CNTNAP5: variants seen among roughly 807,000 people sequenced by gnomAD.
CNTNAP5 encodes the protein contactin associated protein family member 5, also known as contactin-associated protein-like 5.
In CNTNAP5, 72 loss-of-function variants were observed where a neutral mutation model predicts 150.2. The observed-to-expected ratio is 0.48, with a 90% confidence interval of 0.40 to 0.58. The LOEUF (loss-of-function observed/expected upper bound fraction) is 0.58. Ranked by LOEUF, CNTNAP5 falls within the 20% of genes least tolerant of loss-of-function variation. The pLI is 0.00. For missense variants in CNTNAP5, 1,636 were observed against 1,626.2 expected, an observed-to-expected ratio of 1.01 and a Z score of -0.10; for synonymous variants, 672 against 619.8, an observed-to-expected ratio of 1.08 and a Z score of -1.25.
intron 4 of CNTNAP5, among the ~76,000 whole-genome samples, chr2:124,424,047 A>T (rs1222599433): frequency 6.6e-6 from 1 of 152,142 alleles, no homozygotes; most frequent in African/African-American, 2.4e-5. Flanking sequence ...TGAATTACAA[A>T]CATCATTTTG....
At chr2:124,577,774 C>T (rs557626206) in intron 11 of CNTNAP5, among the ~76,000 whole-genome samples, 1 of 152,094 alleles carries the variant, frequency 6.6e-6, no homozygotes, top group South Asian at 2.1e-4. Context: ...TTGAGCCAAA[C>T]CCTGTGGCAT....
At chr2:124,714,452 G>A (rs1482840) in intron 13 of CNTNAP5, among the ~76,000 whole-genome samples, 24,733 of 151,966 alleles carry the variant, frequency 0.16, 2,287 homozygotes, top group East Asian at 0.24. Context: ...TAGCCCTTCA[G>A]TTTTGAGTAT....
chr2:124,313,784 C>T (rs1420809763), intron 3 of CNTNAP5, among the ~76,000 whole-genome samples: 1 of 152,160 alleles, frequency 6.6e-6, no homozygotes, highest in Non-Finnish European at 1.5e-5. Context: ...AATAAAACCA[C>T]AGGGCAGGCA....
chr2:124,117,828 A>G (rs148662759), intron 1 of CNTNAP5, among the ~76,000 whole-genome samples: 14 of 152,268 alleles, frequency 9.2e-5, no homozygotes, highest in South Asian at 8.3e-4. Context: ...TCACTCTCAG[A>G]GTTTCTGATT....
chr2:124,830,705 A>T (rs2104680647), intron 19 of CNTNAP5, among the ~76,000 whole-genome samples: 1 of 152,142 alleles, frequency 6.6e-6, no homozygotes, highest in South Asian at 2.1e-4. Flanking sequence ...ACTTGAGAAA[A>T]AAATTGTTTT....
At chr2:124,452,776 A>G (rs551612563) in intron 6 of CNTNAP5, among the ~76,000 whole-genome samples, 1 of 152,256 alleles carries the variant, frequency 6.6e-6, no homozygotes, top group East Asian at 1.9e-4. Context: ...AAGAGAGACA[A>G]CAATCACTAC....
At chr2:124,741,382 G>A (rs763426232) in intron 13 of CNTNAP5, among the ~76,000 whole-genome samples, 22 of 152,098 alleles carry the variant, frequency 1.4e-4, no homozygotes, top group Admixed American at 1.0e-3. Context: ...TGTGTTTACT[G>A]TTTCCCAGTT....
chr2:124,062,177 T>A (rs1421129176), intron 1 of CNTNAP5, among the ~76,000 whole-genome samples: 1 of 152,240 alleles, frequency 6.6e-6, no homozygotes, highest in East Asian at 1.9e-4. Flanking sequence ...TTATTTGCTA[T>A]AGTTTATATC....
chr2:124,084,363 T>G (rs1682629348), intron 1 of CNTNAP5, among the ~76,000 whole-genome samples: 1 of 151,924 alleles, frequency 6.6e-6, no homozygotes, highest in Admixed American at 6.6e-5. Flanking sequence ...ACTTCCTGGG[T>G]TCCAGCGATT....
intron 1 of CNTNAP5, among the ~76,000 whole-genome samples, chr2:124,042,477 C>CA (rs1374738363): frequency 6.6e-6 from 1 of 152,058 alleles, no homozygotes; most frequent in Non-Finnish European, 1.5e-5. Context: ...AGGCTTTAGA[C>CA]AGACAAGGAT....
At chr2:124,783,358 A>G (rs1681494233) in intron 17 of CNTNAP5, among the ~76,000 whole-genome samples, 1 of 152,208 alleles carries the variant, frequency 6.6e-6, no homozygotes. Flanking sequence ...TAGAATTACC[A>G]TGACTTATTT....
rs1677469842 is a variant in CNTNAP5, at chr2:124,859,758, A to G, written c.3218-5548A>G. 3.3e-5 allele frequency among the ~76,000 whole-genome samples: 5 copies of G among 152,150 alleles called. No homozygotes were observed. The South Asian group carries it at 1.0e-3, about 32-fold the overall frequency. ...AAAAGGATGAGTTCATGTCCTTTGT[A>G]GGGACATGGATGAAGCTGGAAACCA... On this transcript the variant is annotated intron_variant, in intron 19 of 23. Coordinates refer to ENST00000682447, the MANE Select transcript of CNTNAP5 (RefSeq NM_001367498.1).
intron 1 of CNTNAP5, among the ~76,000 whole-genome samples, chr2:124,202,790 G>A (rs1045597813): frequency 6.6e-6 from 1 of 152,000 alleles, no homozygotes; most frequent in Admixed American, 6.6e-5. Context: ...AGAAGAGCAT[G>A]GAAAAAATTC....
At chr2:124,885,436 T>A (rs1317601552) in intron 21 of CNTNAP5, among the ~76,000 whole-genome samples, 6 of 152,004 alleles carry the variant, frequency 3.9e-5, no homozygotes, top group African/African-American at 1.4e-4. Context: ...TTATTTTTTA[T>A]TGAAGTGAAA....
chr2:124,779,082 C>G (rs766994968), intron 17 of CNTNAP5, among the ~76,000 whole-genome samples: 1 of 152,154 alleles, frequency 6.6e-6, no homozygotes, highest in African/African-American at 2.4e-5. Context: ...GTCCAGGTCT[C>G]CCTTCAAAGA....
At chr2:124,497,657 A>G (rs1163746689) in intron 7 of CNTNAP5, among the ~76,000 whole-genome samples, 1 of 152,216 alleles carries the variant, frequency 6.6e-6, no homozygotes, top group African/African-American at 2.4e-5. Context: ...GTTCTAGCTT[A>G]GTAAATTATG....
At chr2:124,793,979 T>C (rs1681791211) in intron 18 of CNTNAP5, among the ~76,000 whole-genome samples, 1 of 152,216 alleles carries the variant, frequency 6.6e-6, no homozygotes, top group Non-Finnish European at 1.5e-5. Context: ...AATAGGGAAT[T>C]GCACTTCCTT....
chr2:124,028,259 TATA>T (rs1414839865), intron 1 of CNTNAP5, among the ~76,000 whole-genome samples: 1 of 151,820 alleles, frequency 6.6e-6, no homozygotes, highest in African/African-American at 2.4e-5. Context: ...TTATTATTCT[TATA>T]ATAATATGTT....
At chr2:124,607,235 C>T (rs1011173942) in intron 11 of CNTNAP5, among the ~76,000 whole-genome samples, 62 of 152,238 alleles carry the variant, frequency 4.1e-4, no homozygotes, top group African/African-American at 1.4e-3. Flanking sequence ...GTCTTGGTCT[C>T]TCATGCAGCT....
Sources: gnomAD v4.1 joint callset for allele counts (sites outside exome capture counted in the v4.1 genomes callset) on GRCh38, gnomAD v4.1.1 for gene constraint, MANE v1.5 for transcripts, NCBI Gene and HGNC (gene_info 2026-07-23, HGNC 2026-07-21) for gene names.